KATNIP: variants seen among roughly 807,000 people sequenced by gnomAD.
KATNIP encodes the protein katanin-interacting protein.
A neutral mutation model predicts 174.0 loss-of-function variants in KATNIP; 126 were observed. That is an observed-to-expected ratio of 0.72 (90% CI 0.63 to 0.84). The LOEUF (loss-of-function observed/expected upper bound fraction) is 0.84. Ranked by LOEUF, KATNIP falls within the 40% of genes least tolerant of loss-of-function variation. The pLI is 0.00. For synonymous variants in KATNIP, 810 were observed against 835.7 expected (o/e 0.97, Z 0.53); for missense variants, 1,958 against 2,109.7 (o/e 0.93, Z 1.41).
At chr16:27,598,026 A>G (rs546226473) in intron 2 of KATNIP, among the ~76,000 whole-genome samples, 1 of 152,194 alleles carries the variant, frequency 6.6e-6, no homozygotes, top group East Asian at 1.9e-4. Context: ...TCGGAAGTTC[A>G]AGACCAGCCT....
intron 8 of KATNIP, among the ~76,000 whole-genome samples, chr16:27,688,928 T>C (rs1005380567): frequency 5.9e-5 from 9 of 152,150 alleles, no homozygotes; most frequent in Non-Finnish European, 1.3e-4. Context: ...TAGTCTGGCA[T>C]GGCCCAGGCT....
rs750803007 is a variant in KATNIP at position 27,595,626 on chromosome 16, C to T, written c.63+21670C>T. ...GCACCTGCCATGTGACAAACATTGT[C>T]CCAGGCCCTGGAGAGTCAGCAGTGA... On this transcript the variant is annotated intron_variant, in intron 2 of 27. Transcript: ENST00000261588. 8.3e-4 allele frequency among the ~76,000 whole-genome samples: 127 copies of T among 152,184 alleles called. 1 individual carries two copies. The highest frequency in any genetic ancestry group is 2.2e-4 in the Non-Finnish European group (15 of 68,040).
intron 1 of KATNIP, among the ~76,000 whole-genome samples, chr16:27,563,990 T>C (rs972109715): frequency 2.0e-5 from 3 of 147,490 alleles, no homozygotes; most frequent in East Asian, 2.1e-4. Context: ...TTGAGCCCAG[T>C]AGGTCGAGAC....
chr16:27,736,940 G>C (rs1567370352), intron 14 of KATNIP, among the ~76,000 whole-genome samples: 1 of 152,078 alleles, frequency 6.6e-6, no homozygotes, highest in Non-Finnish European at 1.5e-5. Flanking sequence ...TGGAGAGAGA[G>C]CCGAGGGACG....
At chr16:27,600,791 G>A (rs544727682) in intron 2 of KATNIP, among the ~76,000 whole-genome samples, 1 of 150,908 alleles carries the variant, frequency 6.6e-6, no homozygotes, top group South Asian at 2.1e-4. Context: ...GTGCAGTGGC[G>A]CAATCTCGGC....
chr16:27,666,029 T>C (rs938248672), intron 6 of KATNIP, among the ~76,000 whole-genome samples: 1 of 152,230 alleles, frequency 6.6e-6, no homozygotes. Flanking sequence ...TATTTGGTCT[T>C]TATCCTGCTA....
chr16:27,713,775 ACACATATTATATAT>A lies in KATNIP; in HGVS notation c.1605+4856_1605+4869del, dbSNP rs1178332479. On this transcript the variant is annotated intron_variant, in intron 13 of 27. Transcript: ENST00000261588. ...TATATGTGTGTGTATATGTATATAT[ACACATATTATATAT>A]GTGTGTGTGTGTGTATATACATATA... Among the ~76,000 whole-genome samples, 7 of 132,560 alleles carry A rather than the reference ACACATATTATATAT, an allele frequency of 5.3e-5. 2 individuals are homozygous for A. Among genetic ancestry groups the A allele is most frequent in the Non-Finnish European group, 4.8e-5 (3 of 62,034 alleles). 87.0% of individuals were successfully genotyped at this position (132,560 alleles called of 152,430 possible).
chr16:27,695,250 T>C (rs1423332608), intron 8 of KATNIP, among the ~76,000 whole-genome samples: 1 of 152,222 alleles, frequency 6.6e-6, no homozygotes, highest in Non-Finnish European at 1.5e-5. Context: ...TCAGATCTGG[T>C]CTTCTGCTCT....
At chr16:27,552,241 G>A (rs1003578664) in intron 1 of KATNIP, among the ~76,000 whole-genome samples, 25 of 152,260 alleles carry the variant, frequency 1.6e-4, no homozygotes, top group African/African-American at 5.3e-4. Context: ...GTTTTGGCTG[G>A]TGTGTATGAA....
chr16:27,584,386 A>G (rs887466625), intron 2 of KATNIP, among the ~76,000 whole-genome samples: 2 of 152,088 alleles, frequency 1.3e-5, no homozygotes, highest in Admixed American at 1.3e-4. Flanking sequence ...GATATTTTCC[A>G]AAAGGAAAAT....
At chr16:27,766,597 G>T in intron 20 of KATNIP, 123 bp downstream of exon 20, 1 of 996,792 alleles carries the variant, frequency 1.0e-6, no homozygotes, top group Non-Finnish European at 1.5e-6. Context: ...GGAGCTGGGG[G>T]CGTTATGTCC....
chr16:27,614,161 T>G (rs2075976283), intron 2 of KATNIP, among the ~76,000 whole-genome samples: 2 of 151,026 alleles, frequency 1.3e-5, no homozygotes, highest in Admixed American at 1.3e-4. Context: ...CACTGCAACC[T>G]CCAACCCCCG....
chr16:27,603,176 TGGG>T (rs1044797960), intron 2 of KATNIP, among the ~76,000 whole-genome samples: 2 of 152,198 alleles, frequency 1.3e-5, no homozygotes, highest in Non-Finnish European at 2.9e-5. Flanking sequence ...TGATCTGCCT[TGGG>T]GCAGAGTACT....
In KATNIP at chr16:27,777,094, T is replaced by G; in HGVS notation, c.4551+65T>G. 1.1e-5 allele frequency: 11 copies of G among 1,035,386 alleles called. No individual in the cohort carries two copies. Among genetic ancestry groups the G allele is most frequent in the Non-Finnish European group, 1.7e-5 (11 of 658,262 alleles). The allele number at this position is 1,035,386 out of a possible 1,614,324, so 64.1% of individuals were successfully genotyped here. A position where few individuals can be genotyped will look rare whatever the true frequency, so the allele number is the denominator to read the frequency against. ...TCGTTGGTAATTAGGCCGCCGGCAA[T>G]TATCATTTGTCGCAGTTTGATTTAC... On this transcript the variant is annotated intron_variant, in intron 25 of 27. Coordinates refer to ENST00000261588, the MANE Select transcript of KATNIP (RefSeq NM_015202.5). This position sits in a 1 kb window ranked among gnomAD's most constrained non-coding sequence, Gnocchi z 4.4.
chr16:27,695,526 C>T (rs1353022316), intron 8 of KATNIP, among the ~76,000 whole-genome samples: 1 of 152,222 alleles, frequency 6.6e-6, no homozygotes, highest in Non-Finnish European at 1.5e-5. Context: ...ATCTCCCTTA[C>T]CCCGATCTGC....
intron 1 of KATNIP, among the ~76,000 whole-genome samples, chr16:27,558,541 T>C (rs2089722741): frequency 6.6e-6 from 1 of 152,232 alleles, no homozygotes; most frequent in Non-Finnish European, 1.5e-5. Flanking sequence ...TGACTACATT[T>C]CAACATGGGA....
At chr16:27,752,361 A>G (rs2081554445) in intron 17 of KATNIP, among the ~76,000 whole-genome samples, 2 of 152,222 alleles carry the variant, frequency 1.3e-5, no homozygotes, top group African/African-American at 4.8e-5. Context: ...TGATCCAAGC[A>G]GGGTACACAG....
chr16:27,643,701 G>A (rs753366847), intron 5 of KATNIP, among the ~76,000 whole-genome samples: 9 of 151,834 alleles, frequency 5.9e-5, no homozygotes, highest in East Asian at 3.8e-4. Flanking sequence ...ATGGGTGAGC[G>A]GGGCATTGTG....
Position 27,740,527 on chromosome 16 carries a change from A to G in KATNIP, c.2230A>G (p.Ile744Val), listed in dbSNP as rs774699445. ...ACTGGAAAACCTCATGGGCAGAAAAATCTGTGAGCCACCCGGGAAAACCCC... is the reference window on the plus strand; with the variant it reads ...ACTGGAAAACCTCATGGGCAGAAAAGTCTGTGAGCCACCCGGGAAAACCCC... Reference protein sequence around the residue: ...QQLENLMGRKICEPPGKTPSW... With the variant: ...QQLENLMGRKVCEPPGKTPSW... The change falls in exon 15 of 28, where the codon ATC (isoleucine) becomes GTC (valine). Residue 744 changes from isoleucine to valine, a missense_variant. Physicochemically the swap from Ile to Val is conservative, Grantham distance 29. Around this residue, in one of 3 missense-constraint regions of KATNIP, gnomAD observed 1,557 missense variants for 1,617.8 expected, o/e 0.96. Coordinates refer to ENST00000261588, the MANE Select transcript of KATNIP (RefSeq NM_015202.5). 1 of 1,614,018 alleles carries G rather than the reference A, an allele frequency of 6.2e-7. No homozygotes were observed. Among genetic ancestry groups the G allele is most frequent in the Admixed American group, 1.7e-5 (1 of 60,016 alleles).
Sources: gnomAD v4.1 joint callset for allele counts (sites outside exome capture counted in the v4.1 genomes callset) on GRCh38, gnomAD v4.1.1 for gene constraint, gnomAD v4.1.1 regional missense constraint, Gnocchi (gnomAD v3.1) non-coding constraint, MANE v1.5 for transcripts, NCBI Gene and HGNC (gene_info 2026-07-23, HGNC 2026-07-21) for gene names.